The following CLIC4 variants were observed in gnomAD, a reference collection of about 807,000 sequenced individuals.
The protein encoded by CLIC4 is chloride intracellular channel protein 4.
In CLIC4, 13 loss-of-function variants were observed where a neutral mutation model predicts 24.6. The observed-to-expected ratio is 0.53, with a 90% confidence interval of 0.34 to 0.84. The LOEUF (loss-of-function observed/expected upper bound fraction) is 0.84, where lower values mean the gene tolerates loss of function less well. Ranked by LOEUF, CLIC4 falls within the 40% of genes least tolerant of loss-of-function variation. The pLI is 0.01. For synonymous variants in CLIC4, 104 were observed against 111.3 expected (o/e 0.93, Z 0.41); for missense variants, 227 against 301.7 (o/e 0.75, Z 1.83).
At chr1:24,820,246 A>T in intron 3 of CLIC4, among the ~76,000 whole-genome samples, 1 of 111,232 alleles carries the variant, frequency 9.0e-6, no homozygotes, top group Admixed American at 9.6e-5. Context: ...CCTATGTCCC[A>T]CTTCTAGGTC....
At chr1:24,815,154 C>T (rs961771324) in intron 3 of CLIC4, among the ~76,000 whole-genome samples, 1 of 152,128 alleles carries the variant, frequency 6.6e-6, no homozygotes, top group Non-Finnish European at 1.5e-5. Flanking sequence ...TTTAAGTGTG[C>T]AATAATAGCA....
At chr1:24,756,246 G>A (rs1456816792) in intron 1 of CLIC4, among the ~76,000 whole-genome samples, 1 of 152,174 alleles carries the variant, frequency 6.6e-6, no homozygotes, top group Admixed American at 6.5e-5. Context: ...TGATCCGCCC[G>A]CCTCGGCCTC....
intron 1 of CLIC4, among the ~76,000 whole-genome samples, chr1:24,749,709 G>T (rs1638750458): frequency 6.6e-6 from 1 of 152,138 alleles, no homozygotes; most frequent in African/African-American, 2.4e-5. Flanking sequence ...TGTAATCCTA[G>T]CACTGTAGGA....
chr1:24,751,098 G>A (rs1638768595), intron 1 of CLIC4, among the ~76,000 whole-genome samples: 1 of 152,102 alleles, frequency 6.6e-6, no homozygotes, highest in Non-Finnish European at 1.5e-5. Flanking sequence ...CCCGATGGTT[G>A]GAGCATCAAA....
At chr1:24,754,476 T>C in intron 1 of CLIC4, among the ~76,000 whole-genome samples, 1 of 151,932 alleles carries the variant, frequency 6.6e-6, no homozygotes, top group East Asian at 1.9e-4. Flanking sequence ...AAAAGGAAAA[T>C]GTGTTAGGCA....
intron 1 of CLIC4, among the ~76,000 whole-genome samples, chr1:24,775,224 C>CTTTTTTTTTTTTT: frequency 8.2e-3 from 742 of 90,636 alleles, no homozygotes; most frequent in Middle Eastern, 0.02. Context: ...TTCTTTCTTT[C>CTTTTTTTTTTTTT]TTTTTTTTTT....
rs569057845 is a variant in CLIC4, at chr1:24,805,630, C to A, written c.182+7779C>A. On this transcript the variant is annotated intron_variant, in intron 2 of 5. Coordinates refer to ENST00000374379, the MANE Select transcript of CLIC4 (RefSeq NM_013943.3). The stretch of plus-strand genomic sequence containing the variant: ...AAGGAGCTCCATTTAAAAGATAAGG[C>A]CTACATACCTAGTACTTTTTTCTTC... Among the ~76,000 whole-genome samples the A allele has an allele frequency of 2.6e-5, 4 of 152,106 alleles. No homozygotes were observed. The South Asian group carries it at 8.3e-4, about 32-fold the overall frequency.
intron 3 of CLIC4, among the ~76,000 whole-genome samples, chr1:24,825,039 C>A (rs1051092798): frequency 2.8e-5 from 4 of 141,226 alleles, no homozygotes; most frequent in African/African-American, 1.1e-4. Context: ...CACACACACA[C>A]AAAAGTACAA....
intron 1 of CLIC4, among the ~76,000 whole-genome samples, chr1:24,778,952 A>G (rs1639173418): frequency 6.6e-6 from 1 of 152,298 alleles, no homozygotes; most frequent in South Asian, 2.1e-4. Context: ...CATTAATTCC[A>G]TTTGTTATTT....
chr1:24,797,719 TA>T lies in CLIC4; in HGVS notation c.73-21del, dbSNP rs747150365. Reference sequence around the variant, plus strand: ...AGTATCATCACTTTGACCTTGTTTTTAATGTTTAATTCTGTTTTCCAGGCTG... The same window carrying T: ...AGTATCATCACTTTGACCTTGTTTTTATGTTTAATTCTGTTTTCCAGGCTG... On this transcript the variant is annotated intron_variant, in intron 1 of 5. Transcript: ENST00000374379. 1.9e-6 allele frequency: 3 copies of T among 1,541,378 alleles called. No individual in the cohort carries two copies. The East Asian group carries it at 6.8e-5, about 35-fold the overall frequency.
At chr1:24,811,027 C>T (rs192367370) in intron 2 of CLIC4, among the ~76,000 whole-genome samples, 4 of 151,286 alleles carry the variant, frequency 2.6e-5, no homozygotes, top group East Asian at 3.9e-4. Context: ...TGTAGTGAGC[C>T]GAGATCGCAC....
At chr1:24,807,437 T>G (rs1639563801) in intron 2 of CLIC4, among the ~76,000 whole-genome samples, 1 of 152,180 alleles carries the variant, frequency 6.6e-6, no homozygotes, top group Non-Finnish European at 1.5e-5. Context: ...AGCACACACT[T>G]GGATAAGGTA....
chr1:24,761,000 A>T (rs555853773), intron 1 of CLIC4, among the ~76,000 whole-genome samples: 34 of 152,184 alleles, frequency 2.2e-4, no homozygotes, highest in African/African-American at 7.5e-4. Flanking sequence ...GTGGCTTGGA[A>T]TAAGGTGGGA....
At chr1:24,767,336 G>T (rs1037684291) in intron 1 of CLIC4, among the ~76,000 whole-genome samples, 9 of 152,186 alleles carry the variant, frequency 5.9e-5, no homozygotes. Flanking sequence ...CTAACTCATA[G>T]TAAGCCTTGT....
In CLIC4 at chr1:24,760,772, C is replaced by T. The variant is rs371969369; in HGVS notation, c.72+15147C>T. 5.9e-5 allele frequency among the ~76,000 whole-genome samples: 9 copies of T among 151,948 alleles called. No individual in the cohort carries two copies. The East Asian group carries it at 7.7e-4, about 13-fold the overall frequency. ...GTCATATTCAGTTGAGGGAGGCAAACGATAAATGCTGGTGATTAAATGCTG... is the reference window on the plus strand; with the variant it reads ...GTCATATTCAGTTGAGGGAGGCAAATGATAAATGCTGGTGATTAAATGCTG... On this transcript the variant is annotated intron_variant, in intron 1 of 5. Transcript: ENST00000374379.
chr1:24,797,739 C>T lies in CLIC4; in HGVS notation c.73-3C>T. Reference sequence around the variant, plus strand: ...GTTTTTAATGTTTAATTCTGTTTTCCAGGCTGGCAGTGATGGTGAAAGCAT... The same window carrying T: ...GTTTTTAATGTTTAATTCTGTTTTCTAGGCTGGCAGTGATGGTGAAAGCAT... On this transcript the variant is annotated splice_region_variant and splice_polypyrimidine_tract_variant and intron_variant, in intron 1 of 5. Coordinates refer to ENST00000374379, the MANE Select transcript of CLIC4 (RefSeq NM_013943.3). 4 of 1,594,098 alleles carry T rather than the reference C, an allele frequency of 2.5e-6. No individual in the cohort carries two copies. The highest frequency in any genetic ancestry group is 3.4e-6 in the Non-Finnish European group (4 of 1,171,598).
Position 24,840,773 on chromosome 1 carries a change from G to T in CLIC4, c.598G>T (p.Val200Leu), listed in dbSNP as rs534197646. The T allele has an allele frequency of 6.2e-7, 1 of 1,603,938 alleles. No individual in the cohort carries two copies. The highest frequency in any genetic ancestry group is 1.3e-5 in the African/African-American group (1 of 74,546). Reference protein sequence around the residue: ...NLLPKLHIVKVVAKKYRNFDI... With the variant: ...NLLPKLHIVKLVAKKYRNFDI... ...AACTTTTGATCTCTTTGTATTTCAG[G>T]TGGTGGCCAAAAAATATCGCAACTT... Residue 200 changes from valine to leucine, a missense_variant and splice_region_variant, in exon 6 of 6, where the codon GTG becomes TTG. Transcript: ENST00000374379.
chr1:24,767,759 A>G (rs958420846), intron 1 of CLIC4, among the ~76,000 whole-genome samples: 2 of 151,960 alleles, frequency 1.3e-5, no homozygotes, highest in African/African-American at 2.4e-5. Flanking sequence ...TGAAAGTGCA[A>G]AAGTAAAGAG....
chr1:24,773,076 C>T (rs1164200504), intron 1 of CLIC4, among the ~76,000 whole-genome samples: 1 of 152,172 alleles, frequency 6.6e-6, no homozygotes, highest in African/African-American at 2.4e-5. Context: ...AAAAGTCCCC[C>T]ACATATCTCA....
Sources: allele counts gnomAD v4.1 joint callset (sites outside exome capture counted in the v4.1 genomes callset), GRCh38; gene constraint gnomAD v4.1.1; transcripts MANE v1.5; gene names NCBI Gene and HGNC (gene_info 2026-07-23, HGNC 2026-07-21).